Variants in ARHGAP42 observed in about 807,000 individuals in gnomAD.
The protein encoded by ARHGAP42 is Rho GTPase activating protein 42, also known as rho GTPase-activating protein 42.
A neutral mutation model predicts 125.0 loss-of-function variants in ARHGAP42; 63 were observed. The ratio of observed to expected loss-of-function variants is 0.50; its 90% CI spans 0.41 to 0.62. The LOEUF (loss-of-function observed/expected upper bound fraction) is 0.62. Among genes scored for constraint, ARHGAP42 ranks in the 20% least tolerant of loss-of-function variants. ARHGAP42 has a pLI of 0.00. For synonymous variants in ARHGAP42, 339 were observed against 351.0 expected (o/e 0.97, Z 0.38); for missense variants, 766 against 1,024.2 (o/e 0.75, Z 3.44).
At chr11:100,795,698 T>G (rs1253391052) in intron 3 of ARHGAP42, among the ~76,000 whole-genome samples, 1 of 152,224 alleles carries the variant, frequency 6.6e-6, no homozygotes, top group Non-Finnish European at 1.5e-5. Context: ...GGTGAAACAC[T>G]TATCCATTCA....
intron 3 of ARHGAP42, among the ~76,000 whole-genome samples, chr11:100,849,771 C>T (rs1462663932): frequency 6.6e-6 from 1 of 152,064 alleles, no homozygotes; most frequent in Admixed American, 6.6e-5. Flanking sequence ...GTATTAGCTT[C>T]TGGTGCTGTT....
At chr11:100,749,178 G>A (rs1426829578) in intron 1 of ARHGAP42, among the ~76,000 whole-genome samples, 2 of 152,192 alleles carry the variant, frequency 1.3e-5, no homozygotes, top group African/African-American at 4.8e-5. Flanking sequence ...TCTTACTACC[G>A]AAGGCTTATG....
At chr11:100,906,658 G>A (rs1009919509) in intron 4 of ARHGAP42, among the ~76,000 whole-genome samples, 3 of 151,846 alleles carry the variant, frequency 2.0e-5, no homozygotes, top group Non-Finnish European at 4.4e-5. Context: ...CTCTCATTCA[G>A]CAGTTCTATT....
chr11:100,884,192 G>T (rs1175769095), intron 4 of ARHGAP42, among the ~76,000 whole-genome samples: 1 of 152,154 alleles, frequency 6.6e-6, no homozygotes, highest in African/African-American at 2.4e-5. Flanking sequence ...TGGGATTGCT[G>T]TCAGCTGATT....
At chr11:100,929,247 A>C (rs1255328086) in intron 6 of ARHGAP42, among the ~76,000 whole-genome samples, 1 of 152,024 alleles carries the variant, frequency 6.6e-6, no homozygotes, top group African/African-American at 2.4e-5. Flanking sequence ...AATAGGCCTC[A>C]CTCTCCTATG....
At chr11:100,824,678 A>G (rs931686741) in intron 3 of ARHGAP42, among the ~76,000 whole-genome samples, 8 of 152,226 alleles carry the variant, frequency 5.3e-5, no homozygotes, top group Admixed American at 5.2e-4. Context: ...ATATATCATC[A>G]TAGATGACAG....
chr11:100,945,745 G>A (rs1037612165), intron 10 of ARHGAP42, among the ~76,000 whole-genome samples: 1 of 152,056 alleles, frequency 6.6e-6, no homozygotes, highest in Non-Finnish European at 1.5e-5. Context: ...AAACAGATGT[G>A]CTGTCATTCA....
intron 4 of ARHGAP42, among the ~76,000 whole-genome samples, chr11:100,878,082 C>T (rs894283674): frequency 1.3e-5 from 2 of 150,934 alleles, no homozygotes; most frequent in Non-Finnish European, 2.9e-5. Context: ...TATGGGAATG[C>T]CTGGCACAAA....
At chr11:100,921,036 C>T (rs1250247437) in intron 5 of ARHGAP42, among the ~76,000 whole-genome samples, 2 of 151,398 alleles carry the variant, frequency 1.3e-5, no homozygotes, top group Admixed American at 6.6e-5. Flanking sequence ...CGTGCCTCTA[C>T]TTTTTCAGGA....
chr11:100,977,017 G>A (rs1220394375), intron 21 of ARHGAP42, 46 bp downstream of exon 21: 2 of 1,543,886 alleles, frequency 1.3e-6, no homozygotes, highest in East Asian at 2.5e-5. Context: ...GGGATACAGA[G>A]AGGAGTTGAG....
intron 1 of ARHGAP42, among the ~76,000 whole-genome samples, chr11:100,748,803 G>A (rs1196212210): frequency 6.9e-6 from 1 of 144,136 alleles, no homozygotes; most frequent in Non-Finnish European, 1.6e-5. Flanking sequence ...GTGACAGCAA[G>A]GTGGTATTGG....
At chr11:100,915,846 G>C (rs575575484) in intron 5 of ARHGAP42, among the ~76,000 whole-genome samples, 8 of 152,304 alleles carry the variant, frequency 5.3e-5, no homozygotes, top group Admixed American at 2.0e-4. Context: ...GCAAAATGTA[G>C]CTTGGGTTCC....
At chr11:100,837,021 A>G (rs889753431) in intron 3 of ARHGAP42, among the ~76,000 whole-genome samples, 2 of 152,030 alleles carry the variant, frequency 1.3e-5, no homozygotes, top group Non-Finnish European at 2.9e-5. Flanking sequence ...TAAATTTCTC[A>G]TATTTTCATT....
intron 1 of ARHGAP42, among the ~76,000 whole-genome samples, chr11:100,699,151 ACCAGC>A (rs1565532750): frequency 6.6e-6 from 1 of 151,970 alleles, no homozygotes; most frequent in Non-Finnish European, 1.5e-5. Flanking sequence ...CCCGATTTTT[ACCAGC>A]CCAGGGGATA....
At chr11:100,931,040 C>T (rs1867567124) in intron 6 of ARHGAP42, among the ~76,000 whole-genome samples, 1 of 152,062 alleles carries the variant, frequency 6.6e-6, no homozygotes, top group Admixed American at 6.6e-5. Context: ...ACATGAAAGT[C>T]ATTATGTTTC....
At chr11:100,973,388 G>C (rs1712033056) in intron 18 of ARHGAP42, 54 bp downstream of exon 18, 1 of 1,519,686 alleles carries the variant, frequency 6.6e-7, no homozygotes, top group African/African-American at 1.4e-5. Flanking sequence ...GTTTTATAAA[G>C]GAATTTTGCA....
At chr11:100,984,252 G>A (rs1391050697) in intron 22 of ARHGAP42, among the ~76,000 whole-genome samples, 2 of 151,922 alleles carry the variant, frequency 1.3e-5, no homozygotes, top group East Asian at 3.9e-4. Context: ...TTTGTCTTAC[G>A]CATTAACATT....
At chr11:100,961,607 T>C (rs1857957368) in intron 14 of ARHGAP42, 77 bp from the exon 15 acceptor site, 1 of 1,274,864 alleles carries the variant, frequency 7.8e-7, no homozygotes, top group Non-Finnish European at 1.1e-6. Flanking sequence ...CCTACTTACG[T>C]TTGTGCCCAT....
At chr11:100,946,694 T>C (rs1441751149) in intron 10 of ARHGAP42, among the ~76,000 whole-genome samples, 2 of 152,040 alleles carry the variant, frequency 1.3e-5, no homozygotes, top group Non-Finnish European at 2.9e-5. Context: ...TGGACATGGT[T>C]AATGGCACCC....
Sources: gnomAD v4.1 joint callset for allele counts (sites outside exome capture counted in the v4.1 genomes callset) on GRCh38, gnomAD v4.1.1 for gene constraint, MANE v1.5 for transcripts, NCBI Gene and HGNC (gene_info 2026-07-23, HGNC 2026-07-21) for gene names.